Variants in PRIMPOL observed in about 807,000 individuals in gnomAD.
PRIMPOL encodes DNA-directed primase/polymerase protein.
A neutral mutation model predicts 63.6 loss-of-function variants in PRIMPOL; 54 were observed. The observed-to-expected ratio is 0.85, with a 90% CI of 0.68 to 1.07. PRIMPOL has a LOEUF of 1.07. PRIMPOL is among the 50% of genes least tolerant of loss of function. The pLI is 0.00. For synonymous variants in PRIMPOL, 197 were observed against 220.2 expected, an observed-to-expected ratio of 0.89 and a Z score of 0.93; for missense variants, 610 against 648.3, an observed-to-expected ratio of 0.94 and a Z score of 0.64.
At chr4:184,674,804 A>G (rs1752838929) in intron 7 of PRIMPOL, among the ~76,000 whole-genome samples, 1 of 152,216 alleles carries the variant, frequency 6.6e-6, no homozygotes, top group African/African-American at 2.4e-5. Flanking sequence ...GTATTTGTCG[A>G]TACTGTAAGT....
At chr4:184,686,408 G>A (rs1330566193) in intron 11 of PRIMPOL, among the ~76,000 whole-genome samples, 3 of 152,178 alleles carry the variant, frequency 2.0e-5, no homozygotes, top group African/African-American at 7.2e-5. Context: ...TTAGTGTTAA[G>A]AGCTGGAGCT....
chr4:184,687,038 G>C (rs994037400), intron 11 of PRIMPOL, among the ~76,000 whole-genome samples: 1 of 151,998 alleles, frequency 6.6e-6, no homozygotes, highest in African/African-American at 2.4e-5. Flanking sequence ...TTTAACCGTG[G>C]AATATATCAT....
At chr4:184,687,065 A>T (rs1426999912) in intron 11 of PRIMPOL, among the ~76,000 whole-genome samples, 1 of 152,154 alleles carries the variant, frequency 6.6e-6, no homozygotes, top group East Asian at 1.9e-4. Flanking sequence ...AAAAGTATAG[A>T]TAACACACTT....
At chr4:184,666,664 A>G (rs188283995) in intron 6 of PRIMPOL, among the ~76,000 whole-genome samples, 8 of 152,326 alleles carry the variant, frequency 5.3e-5, no homozygotes, top group Admixed American at 3.9e-4. Context: ...TGGAAAGTGC[A>G]TGAGAGGCCT....
At position 184,693,916 on chromosome 4, in the gene PRIMPOL, G is replaced by A. The variant is rs528674064; in HGVS notation, c.1426-606G>A. ...ACTCCTGGCCTCAAGCAGTCCTCCCGTCTCAGCCTCCCCAGTAGCTGGGAT... is the reference window on the plus strand; with the variant it reads ...ACTCCTGGCCTCAAGCAGTCCTCCCATCTCAGCCTCCCCAGTAGCTGGGAT... On this transcript the variant is annotated intron_variant, in intron 13 of 13. Transcript: ENST00000314970. Among the ~76,000 whole-genome samples the A allele has an allele frequency of 1.2e-4, 19 of 152,170 alleles. No homozygotes were observed. The South Asian group carries it at 3.1e-3, about 25-fold the overall frequency.
intron 11 of PRIMPOL, among the ~76,000 whole-genome samples, chr4:184,686,782 C>T (rs1198979320): frequency 6.6e-6 from 1 of 152,032 alleles, no homozygotes; most frequent in Non-Finnish European, 1.5e-5. Flanking sequence ...TAGCATGGTT[C>T]AGTGCCATAC....
At chr4:184,683,902 G>A (rs1165239119) in intron 9 of PRIMPOL, among the ~76,000 whole-genome samples, 3 of 151,876 alleles carry the variant, frequency 2.0e-5, no homozygotes, top group Admixed American at 1.3e-4. Flanking sequence ...CCTGTATAAT[G>A]TGGAAAACAC....
intron 7 of PRIMPOL, among the ~76,000 whole-genome samples, chr4:184,672,763 A>G (rs889551864): frequency 6.6e-6 from 1 of 152,140 alleles, no homozygotes; most frequent in Non-Finnish European, 1.5e-5. Context: ...TTCCTCCAGG[A>G]CTGCTGAGAG....
At chr4:184,665,502 CTTTT>C (rs780043138) in intron 5 of PRIMPOL, among the ~76,000 whole-genome samples, 3 of 133,890 alleles carry the variant, frequency 2.2e-5, no homozygotes, top group Admixed American at 7.5e-5. Flanking sequence ...GAATTAATGA[CTTTT>C]TTTTTTTTTT....
intron 6 of PRIMPOL, among the ~76,000 whole-genome samples, chr4:184,671,405 T>A (rs1299531471): frequency 1.3e-5 from 2 of 152,134 alleles, no homozygotes; most frequent in Admixed American, 6.5e-5. Context: ...GTCTGTTAGC[T>A]GAGCAGCAGT....
chr4:184,666,803 T>C (rs1247898846), intron 6 of PRIMPOL, among the ~76,000 whole-genome samples: 1 of 152,156 alleles, frequency 6.6e-6, no homozygotes, highest in Admixed American at 6.5e-5. Context: ...AGCTTCAGGG[T>C]TGGGATAATT....
chr4:184,671,926 G>C (rs982380312), intron 6 of PRIMPOL, among the ~76,000 whole-genome samples: 1 of 151,772 alleles, frequency 6.6e-6, no homozygotes, highest in Admixed American at 6.6e-5. Flanking sequence ...ATTTTTAGTA[G>C]AGACGGGGTT....
intron 7 of PRIMPOL, among the ~76,000 whole-genome samples, chr4:184,677,687 ATTT>A (rs1399753487): frequency 6.6e-6 from 1 of 152,168 alleles, no homozygotes; most frequent in African/African-American, 2.4e-5. Context: ...TCCTGCTAGA[ATTT>A]TTATTTGGAT....
chr4:184,654,469 G>A (rs369193155), intron 2 of PRIMPOL, among the ~76,000 whole-genome samples: 1 of 27,692 alleles, frequency 3.6e-5, no homozygotes, highest in Admixed American at 3.0e-4. Context: ...TTTTTTTTTT[G>A]AGACAGAGTC....
chr4:184,692,846 T>TTTAA (rs1310583705), intron 13 of PRIMPOL, among the ~76,000 whole-genome samples: 1 of 152,202 alleles, frequency 6.6e-6, no homozygotes, highest in Non-Finnish European at 1.5e-5. Context: ...CCTCAGTTGT[T>TTTAA]TTAATTTGCA....
At chr4:184,681,806 T>TTGGGAGGC (rs1755704166) in intron 8 of PRIMPOL, among the ~76,000 whole-genome samples, 1 of 152,172 alleles carries the variant, frequency 6.6e-6, no homozygotes, top group Non-Finnish European at 1.5e-5. Flanking sequence ...ACTCCTGACC[T>TTGGGAGGC]CAAGTGATCG....
chr4:184,664,704 A>C (rs1237999224), intron 5 of PRIMPOL, among the ~76,000 whole-genome samples: 1 of 152,198 alleles, frequency 6.6e-6, no homozygotes, highest in East Asian at 1.9e-4. Context: ...GGAGCCTGGG[A>C]AATGTAGTCT....
intron 5 of PRIMPOL, among the ~76,000 whole-genome samples, chr4:184,665,685 A>G (rs1235791283): frequency 6.6e-6 from 1 of 151,538 alleles, no homozygotes; most frequent in Non-Finnish European, 1.5e-5. Flanking sequence ...TTATGGTTTT[A>G]GTAGAGACTG....
chr4:184,689,734 GC>G (rs1179927966), intron 11 of PRIMPOL, among the ~76,000 whole-genome samples: 2 of 151,990 alleles, frequency 1.3e-5, no homozygotes, highest in African/African-American at 4.8e-5. Context: ...GATTACAGGC[GC>G]GAGCCACCAT....
Sources: gnomAD v4.1 joint callset for allele counts (sites outside exome capture counted in the v4.1 genomes callset) on GRCh38, gnomAD v4.1.1 for gene constraint, MANE v1.5 for transcripts, NCBI Gene and HGNC (gene_info 2026-07-23, HGNC 2026-07-21) for gene names.